The following TRHDE variants were observed in gnomAD, a reference collection of about 807,000 sequenced individuals.
The protein encoded by TRHDE is thyrotropin releasing hormone degrading enzyme.
A neutral mutation model predicts 125.7 loss-of-function variants in TRHDE; 72 were observed. The ratio of observed to expected loss-of-function variants is 0.57; its 90% confidence interval spans 0.47 to 0.70. The LOEUF (loss-of-function observed/expected upper bound fraction) is 0.70. TRHDE is among the 30% of genes least tolerant of loss of function. The pLI is 0.00. For synonymous variants in TRHDE, 509 were observed against 509.1 expected (o/e 1.00, Z 0.00); for missense variants, 1,110 against 1,327.1 (o/e 0.84, Z 2.54).
chr12:72,202,094 G>A (rs1460200986), intron 2 of TRHDE, among the ~76,000 whole-genome samples: 1 of 152,204 alleles, frequency 6.6e-6, no homozygotes. Context: ...AGTTAATCAT[G>A]ATGGTTGCTT....
intron 3 of TRHDE, among the ~76,000 whole-genome samples, chr12:72,445,490 C>A (rs978810404): frequency 4.0e-5 from 6 of 151,896 alleles, no homozygotes; most frequent in African/African-American, 1.4e-4. Flanking sequence ...GCTGGATATT[C>A]TTTCATCCAT....
At chr12:72,446,918 A>T (rs1373724024) in intron 3 of TRHDE, among the ~76,000 whole-genome samples, 1 of 151,996 alleles carries the variant, frequency 6.6e-6, no homozygotes, top group African/African-American at 2.4e-5. Context: ...ATAATAATGG[A>T]AGACTTTAAC....
chr12:72,443,192 CTG>C (rs58277850), intron 3 of TRHDE, among the ~76,000 whole-genome samples: 8,893 of 144,254 alleles, frequency 0.062, 241 homozygotes, highest in South Asian at 0.092. Flanking sequence ...TACTTCTTTC[CTG>C]TGTGTGTGTG....
chr12:72,659,572 C>T (rs1210706463), intron 18 of TRHDE, among the ~76,000 whole-genome samples: 1 of 152,074 alleles, frequency 6.6e-6, no homozygotes, highest in Non-Finnish European at 1.5e-5. Flanking sequence ...TTATGTTTTA[C>T]AATCTACTCT....
chr12:72,161,431 CAA>C (rs36001406), intron 2 of TRHDE, among the ~76,000 whole-genome samples: 27 of 75,450 alleles, frequency 3.6e-4, no homozygotes, highest in East Asian at 1.2e-3. Flanking sequence ...GACTCCGTCT[CAA>C]AAAAAAAAAA....
chr12:72,239,898 T>G (rs1878440058), intron 2 of TRHDE, among the ~76,000 whole-genome samples: 1 of 152,208 alleles, frequency 6.6e-6, no homozygotes, highest in South Asian at 2.1e-4. Flanking sequence ...GAACTTTGTC[T>G]GTCCTATTTT....
At chr12:72,105,400 GT>G (rs1875163658) in intron 1 of TRHDE, among the ~76,000 whole-genome samples, 1 of 152,146 alleles carries the variant, frequency 6.6e-6, no homozygotes, top group Non-Finnish European at 1.5e-5. Flanking sequence ...GGGAAGAGTG[GT>G]CTAGCCAGAG....
chr12:72,481,785 T>C (rs974456202), intron 5 of TRHDE, among the ~76,000 whole-genome samples: 1 of 152,014 alleles, frequency 6.6e-6, no homozygotes, highest in Non-Finnish European at 1.5e-5. Flanking sequence ...CTAGGATTGA[T>C]GAAATTAAAT....
intron 1 of TRHDE, among the ~76,000 whole-genome samples, chr12:72,281,419 G>C (rs763672981): frequency 6.6e-6 from 1 of 152,142 alleles, no homozygotes; most frequent in East Asian, 1.9e-4. Flanking sequence ...TCCGCTTACT[G>C]CAATCAGTTG....
rs188874201 is a variant in TRHDE at position 72,117,031 on chromosome 12, A to T, written n.279+11279A>T. 4.2e-3 allele frequency among the ~76,000 whole-genome samples: 645 copies of T among 151,998 alleles called. 1 individual carries two copies. Among genetic ancestry groups the T allele is most frequent in the African/African-American group, 0.015 (623 of 41,472 alleles). On this transcript the variant is annotated intron_variant and non_coding_transcript_variant, in intron 2 of 4. Transcript: ENST00000548156. ...GGATAGTTTGCAATTTTTTTCTCCC[A>T]TTCTGTGGGTTGTCTCTTCTCTGTG... is the stretch of plus-strand genomic sequence containing the variant.
At chr12:72,140,406 TC>T (rs1197424564) in intron 2 of TRHDE, 1 of 152,308 alleles carries the variant, frequency 6.6e-6, no homozygotes, top group African/African-American at 2.4e-5. Context: ...TCCAGTTGTT[TC>T]ACTTTTCCTG....
intron 2 of TRHDE, among the ~76,000 whole-genome samples, chr12:72,299,260 A>C (rs572067045): frequency 2.2e-4 from 33 of 152,324 alleles, no homozygotes; most frequent in Middle Eastern, 3.4e-3. Context: ...ATAAGGGTGA[A>C]TATTCAGAGT....
Position 72,312,225 on chromosome 12 carries a change from C to CAGGAATA in TRHDE, c.1188+25271_1188+25272insAGGAATA, listed in dbSNP as rs557013926. On this transcript the variant is annotated intron_variant, in intron 2 of 18. Transcript: ENST00000261180. Reference sequence around the variant, plus strand: ...CCTTGCTGATTTCCTGTATTGCTGCCCATTATGCAGCATGATGACTTTTCA... The same window carrying CAGGAATA: ...CCTTGCTGATTTCCTGTATTGCTGCCAGGAATACATTATGCAGCATGATGACTTTTCA... Among the ~76,000 whole-genome samples, 34 of 152,270 alleles carry CAGGAATA rather than the reference C, an allele frequency of 2.2e-4. No homozygotes were observed. In the South Asian group the frequency reaches 6.2e-3, roughly 28 times the overall value.
intron 3 of TRHDE, among the ~76,000 whole-genome samples, chr12:72,430,269 C>T (rs963336268): frequency 1.2e-4 from 17 of 142,890 alleles, no homozygotes; most frequent in Non-Finnish European, 9.0e-5. Flanking sequence ...ATAATACACA[C>T]ATATAAAACT....
intron 3 of TRHDE, among the ~76,000 whole-genome samples, chr12:72,448,031 C>T (rs1875385225): frequency 6.6e-6 from 1 of 151,988 alleles, no homozygotes; most frequent in Non-Finnish European, 1.5e-5. Flanking sequence ...TTACTAGGTC[C>T]TTTGATCAAA....
rs149340631 is a variant in TRHDE, at chr12:72,662,045, A to C, written c.3067-1007A>C. 1.8e-4 allele frequency among the ~76,000 whole-genome samples: 27 copies of C among 152,304 alleles called. No homozygotes were observed. In the East Asian group the frequency reaches 5.2e-3, roughly 29 times the overall value. The stretch of plus-strand genomic sequence containing the variant: ...AACTAATTTCTAAATCAATTCAGAA[A>C]GTTATAACCGCATTTTAACTCCATC... On this transcript the variant is annotated intron_variant, in intron 18 of 18. Transcript: ENST00000261180.
chr12:72,308,420 T>A (rs1383058335), intron 2 of TRHDE, among the ~76,000 whole-genome samples: 3 of 152,192 alleles, frequency 2.0e-5, no homozygotes, highest in Admixed American at 1.3e-4. Context: ...CTAGAACTGA[T>A]TCTGGTTCTA....
chr12:72,504,090 T>C (rs1259480775), intron 6 of TRHDE, among the ~76,000 whole-genome samples: 1 of 151,996 alleles, frequency 6.6e-6, no homozygotes, highest in Admixed American at 6.6e-5. Context: ...CAGAAATATA[T>C]ACAAGATACA....
chr12:72,109,615 T>C (rs866093763), intron 2 of TRHDE, among the ~76,000 whole-genome samples: 6 of 143,466 alleles, frequency 4.2e-5, no homozygotes, highest in Non-Finnish European at 9.2e-5. Flanking sequence ...TTAATGTCTT[T>C]ACACAACAAT....
Sources: allele counts gnomAD v4.1 joint callset (sites outside exome capture counted in the v4.1 genomes callset), GRCh38; gene constraint gnomAD v4.1.1; transcripts MANE v1.5; gene names NCBI Gene and HGNC (gene_info 2026-07-23, HGNC 2026-07-21).